The following PCDHGA2 variants were observed in gnomAD, a reference collection of about 807,000 sequenced individuals.
PCDHGA2 encodes the protein protocadherin gamma-A2.
Under a neutral mutation model 59.2 loss-of-function variants are expected in PCDHGA2, and 40 were observed. The ratio of observed to expected loss-of-function variants is 0.68; its 90% confidence interval spans 0.52 to 0.88. The LOEUF is 0.88. Among genes scored for constraint, PCDHGA2 ranks in the 40% least tolerant of loss-of-function variants. The pLI, the probability that PCDHGA2 is intolerant of heterozygous loss-of-function variation, is 0.00. For missense variants in PCDHGA2, 1,226 were observed against 1,204.0 expected, an observed-to-expected ratio of 1.02 and a Z score of -0.27; for synonymous variants, 560 against 526.0, an observed-to-expected ratio of 1.06 and a Z score of -0.89.
In PCDHGA2 at chr5:141,428,081, C is replaced by A. The variant is rs768842388; in HGVS notation, c.2425-66726C>A. 14 of 1,609,100 alleles carry A rather than the reference C, an allele frequency of 8.7e-6. No individual in the cohort carries two copies. In the African/African-American group the frequency reaches 1.1e-4, roughly 12 times the overall value. ...CGGTGGACGCAGATTCGGGACACAA[C>A]GCTTGGCTGTCCTACCACGTGCTGC... is the stretch of plus-strand genomic sequence containing the variant. On this transcript the variant is annotated intron_variant, in intron 1 of 3. Transcript: ENST00000394576.
intron 1 of PCDHGA2, chr5:141,375,539 C>G (rs1771564723): frequency 1.2e-6 from 2 of 1,613,986 alleles, no homozygotes; most frequent in Non-Finnish European, 1.7e-6. Context: ...CCAGAACGCC[C>G]AAGTCTCCTA....
chr5:141,371,664 G>A (rs1433896687), intron 1 of PCDHGA2: 2 of 1,613,906 alleles, frequency 1.2e-6, no homozygotes, highest in Non-Finnish European at 1.7e-6. Flanking sequence ...GACGATCACA[G>A]CTACCGACAA....
Position 141,376,767 on chromosome 5 carries a change from A to G in PCDHGA2, c.2424+35372A>G. The G allele has an allele frequency of 7.0e-6, 3 of 425,754 alleles. No individual in the cohort carries two copies. The South Asian group carries it at 8.7e-5, about 12-fold the overall frequency. 26.4% of individuals were successfully genotyped at this position (425,754 alleles called of 1,614,324 possible). On this transcript the variant is annotated intron_variant, in intron 1 of 3. Coordinates refer to ENST00000394576, the MANE Select transcript of PCDHGA2 (RefSeq NM_018915.4). The stretch of plus-strand genomic sequence containing the variant: ...AGTGGCGCAATCTCGGCTCACTGCA[A>G]GCTCCGCTTCCCGGGTTCACGCCAT...
At chr5:141,405,775 G>A (rs2094716657) in intron 1 of PCDHGA2, among the ~76,000 whole-genome samples, 1 of 152,002 alleles carries the variant, frequency 6.6e-6, no homozygotes, top group African/African-American at 2.4e-5. Flanking sequence ...ACTGCGCCTG[G>A]CCCTTAACTT....
intron 1 of PCDHGA2, among the ~76,000 whole-genome samples, chr5:141,470,385 T>C (rs1278833959): frequency 1.3e-5 from 2 of 152,206 alleles, no homozygotes; most frequent in Non-Finnish European, 2.9e-5. Flanking sequence ...GACTACTCGA[T>C]GATATTTAGG....
At position 141,389,550 on chromosome 5, in the gene PCDHGA2, A is replaced by T. The variant is rs767434946; in HGVS notation, c.2424+48155A>T. The T allele has an allele frequency of 3.7e-6, 6 of 1,613,098 alleles. No individual in the cohort carries two copies. The African/African-American group carries it at 4.0e-5, about 11-fold the overall frequency. On this transcript the variant is annotated intron_variant, in intron 1 of 3. Transcript: ENST00000394576. ...CGTGTTAGTGGACGACCGCAACGAC[A>T]ATGCGCCACGGGTGCTGTACCCCGC...
In PCDHGA2 at chr5:141,341,109, C is replaced by A. The variant is rs763629957; in HGVS notation, c.2138C>A (p.Ala713Glu). The A allele has an allele frequency of 6.8e-6, 11 of 1,614,088 alleles. No homozygotes were observed. Among genetic ancestry groups the A allele is most frequent in the South Asian group, 4.4e-5 (4 of 91,086 alleles). Residue 713 changes from alanine to glutamate, a missense_variant, in exon 1 of 4, where the codon GCG (alanine) becomes GAG (glutamate). Transcript: ENST00000394576. ...CTGGCCTTCGTCATCGTGTTGCTGG[C>A]GCACAGGCTGCGGCGCTGGCACAAG... The part of the protein sequence containing the change: ...VFLAFVIVLL[A>E]HRLRRWHKSR...
At chr5:141,438,571 TATACATACATAC>T (rs1212381177) in intron 1 of PCDHGA2, among the ~76,000 whole-genome samples, 4 of 94,544 alleles carry the variant, frequency 4.2e-5, no homozygotes, top group African/African-American at 9.7e-5. Context: ...AGCTGTCTGA[TATACATACATAC>T]ATACATACAT....
At chr5:141,399,341 C>T in intron 1 of PCDHGA2, 2 of 1,613,938 alleles carry the variant, frequency 1.2e-6, no homozygotes, top group Non-Finnish European at 1.7e-6. Context: ...ACAGATGGAA[C>T]CCTAGACCGA....
In PCDHGA2 at chr5:141,346,291, A is replaced by G. The variant is rs10069396; in HGVS notation, c.2424+4896A>G. ...GGGGTTCGGGCTTTCCTGCAGACCT[A>G]TTCCCACGAGGTCTCCCTCACTGCG... On this transcript the variant is annotated intron_variant, in intron 1 of 3. Coordinates refer to ENST00000394576, the MANE Select transcript of PCDHGA2 (RefSeq NM_018915.4). The G allele has an allele frequency of 5.3e-4, 859 of 1,614,148 alleles. 3 individuals carry two copies. In the African/African-American group the frequency reaches 9.4e-3, roughly 18 times the overall value.
At chr5:141,374,785 T>A in intron 1 of PCDHGA2, 1 of 1,613,874 alleles carries the variant, frequency 6.2e-7, no homozygotes, top group Non-Finnish European at 8.5e-7. Context: ...CAGTTCTAGA[T>A]GTGAATGACA....
chr5:141,434,209 A>G (rs946478332), intron 1 of PCDHGA2, among the ~76,000 whole-genome samples: 17 of 152,216 alleles, frequency 1.1e-4, no homozygotes, highest in African/African-American at 4.1e-4. Flanking sequence ...TACTTCTGTC[A>G]GTGTAAACAA....
intron 1 of PCDHGA2, among the ~76,000 whole-genome samples, chr5:141,359,718 C>T (rs1296049505): frequency 6.6e-6 from 1 of 152,132 alleles, no homozygotes; most frequent in African/African-American, 2.4e-5. Flanking sequence ...GAAACTTTAA[C>T]ACTCATTTCC....
At chr5:141,497,568 C>G (rs1012946741) in intron 2 of PCDHGA2, among the ~76,000 whole-genome samples, 2 of 140,602 alleles carry the variant, frequency 1.4e-5, no homozygotes, top group African/African-American at 5.4e-5. Flanking sequence ...TAGACAGAGT[C>G]TTGCTCTGTT....
rs1395688351 is a variant in PCDHGA2 at position 141,485,907 on chromosome 5, C to A, written c.2425-8900C>A. On this transcript the variant is annotated intron_variant, in intron 1 of 3. Coordinates refer to ENST00000394576, the MANE Select transcript of PCDHGA2 (RefSeq NM_018915.4). The surrounding 1 kb of genome is among the most constrained non-coding windows in gnomAD (Gnocchi z 5.7). ...GACAACGCCCCAGCCTTCCAGCAAT[C>A]CAGCTACAGGATTAGTGTGTTGGAG... is the stretch of plus-strand genomic sequence containing the variant. 6.2e-7 allele frequency: 1 copy of A among 1,614,176 alleles called. No homozygotes were observed.
chr5:141,400,102 G>A (rs376189143), intron 1 of PCDHGA2: 2 of 1,614,084 alleles, frequency 1.2e-6, no homozygotes, highest in Non-Finnish European at 1.7e-6. Context: ...GCTGCACTTG[G>A]TCTTTGCTGA....
Position 141,485,063 on chromosome 5 carries a change from A to C in PCDHGA2, c.2425-9744A>C. On this transcript the variant is annotated intron_variant, in intron 1 of 3. Transcript: ENST00000394576. This position sits in a 1 kb window ranked among gnomAD's most constrained non-coding sequence, Gnocchi z 5.7. ...CTTGCGGCGCCGGCCGAACCGCGCC[A>C]GAGCTGGCGCGGGGAAAGGGAGATA... is the stretch of plus-strand genomic sequence containing the variant. 2 of 874,986 alleles carry C rather than the reference A, an allele frequency of 2.3e-6. No individual in the cohort carries two copies. Among genetic ancestry groups the C allele is most frequent in the Non-Finnish European group, 3.6e-6 (2 of 551,278 alleles). 54.2% of individuals were successfully genotyped at this position (874,986 alleles called of 1,614,324 possible).
Position 141,398,941 on chromosome 5 carries a change from G to A in PCDHGA2, c.2424+57546G>A. 4.3e-6 allele frequency: 7 copies of A among 1,613,890 alleles called. No homozygotes were observed. The highest frequency in any genetic ancestry group is 5.9e-6 in the Non-Finnish European group (7 of 1,179,892). ...AGTGTCAGCCACTGACCAAGACGAG[G>A]GCATCAACTCAGAAATTACTTATTC... is the stretch of plus-strand genomic sequence containing the variant. On this transcript the variant is annotated intron_variant, in intron 1 of 3. Transcript: ENST00000394576.
intron 1 of PCDHGA2, chr5:141,394,304 G>T (rs1317596371): frequency 1.2e-6 from 2 of 1,613,932 alleles, no homozygotes; most frequent in Admixed American, 1.7e-5. Flanking sequence ...ACACGCTGCA[G>T]GGGGCGCCCC....
Sources: allele counts gnomAD v4.1 joint callset (sites outside exome capture counted in the v4.1 genomes callset), GRCh38; gene constraint gnomAD v4.1.1; non-coding constraint Gnocchi (gnomAD v3.1); transcripts MANE v1.5; gene names NCBI Gene and HGNC (gene_info 2026-07-23, HGNC 2026-07-21).